Variants in CNPY1 observed in about 807,000 individuals in gnomAD.
CNPY1 encodes protein canopy homolog 1.
A neutral mutation model predicts 14.4 loss-of-function variants in CNPY1; 14 were observed. The ratio of observed to expected loss-of-function variants is 0.97; its 90% CI spans 0.64 to 1.52. The LOEUF is 1.52. CNPY1 is among the 40% of genes most tolerant of loss of function. The probability of loss-of-function intolerance (pLI) is 0.00; values close to 1 mark genes in which losing one functional copy is unlikely to be tolerated. For synonymous variants in CNPY1, 43 were observed against 46.5 expected (o/e 0.92, Z 0.31); for missense variants, 129 against 131.5 (o/e 0.98, Z 0.09).
At chr7:155,527,004 C>A (rs1796829943) in intron 2 of CNPY1, among the ~76,000 whole-genome samples, 1 of 133,346 alleles carries the variant, frequency 7.5e-6, no homozygotes, top group Non-Finnish European at 1.7e-5. Context: ...TGTCCATATC[C>A]TAGGCAGCCA....
chr7:155,546,213 G>T (rs1399227575), intron 1 of CNPY1, among the ~76,000 whole-genome samples: 9 of 150,866 alleles, frequency 6.0e-5, no homozygotes. Context: ...TTGAGACAGG[G>T]TCTCACTCTG....
At chr7:155,518,158 TCCAC>T (rs1563090195) in intron 2 of CNPY1, among the ~76,000 whole-genome samples, 2 of 152,152 alleles carry the variant, frequency 1.3e-5, no homozygotes, top group African/African-American at 4.8e-5. Context: ...GGTGGCCAGA[TCCAC>T]AGTGCTCAAA....
rs867730266 is a variant in CNPY1 at position 155,529,924 on chromosome 7, G to A, written c.99+15907C>T. On this transcript the variant is annotated intron_variant, in intron 2 of 4. Transcript: ENST00000636446. The stretch of plus-strand genomic sequence containing the variant: ...CAGCCTCCCGAGTAACTGGGATTAC[G>A]GGCGCCTGCCACCACGCCCAGCTAA... 1.3e-4 allele frequency among the ~76,000 whole-genome samples: 19 copies of A among 151,968 alleles called. No homozygotes were observed. In the South Asian group the frequency reaches 1.9e-3, roughly 15 times the overall value.
intron 2 of CNPY1, among the ~76,000 whole-genome samples, chr7:155,526,989 G>GA: frequency 6.7e-6 from 1 of 149,238 alleles, no homozygotes. Flanking sequence ...TTCTTAACTG[G>GA]AAAATGTCCA....
chr7:155,508,386 G>GA (rs1317750716), intron 3 of CNPY1, among the ~76,000 whole-genome samples: 1 of 152,094 alleles, frequency 6.6e-6, no homozygotes, highest in Non-Finnish European at 1.5e-5. Flanking sequence ...TCAAGCCTTA[G>GA]AAAAAAAGAG....
At chr7:155,515,506 G>T (rs1289629340) in intron 2 of CNPY1, among the ~76,000 whole-genome samples, 1 of 152,126 alleles carries the variant, frequency 6.6e-6, no homozygotes, top group African/African-American at 2.4e-5. Context: ...TAGGGACCCG[G>T]GGACCGCAGG....
In CNPY1 at chr7:155,503,075, T is replaced by G; in HGVS notation, c.431A>C (p.Glu144Ala). Residue 144 changes from glutamate (E) to alanine (A), a missense_variant, in exon 5 of 5, where the codon GAG becomes GCG. Physicochemically the swap from Glu to Ala is moderately radical, Grantham distance 107. Transcript: ENST00000636446. ...ACCAGCAGAACGGCACTCCTAGAGCTCAGTATGATTAGCAGAAGTTTCACA... is the reference window on the plus strand; with the variant it reads ...ACCAGCAGAACGGCACTCCTAGAGCGCAGTATGATTAGCAGAAGTTTCACA... ...DLCETSANHT[E>A]L The G allele has an allele frequency of 6.2e-7, 1 of 1,607,878 alleles. No homozygotes were observed. The highest frequency in any genetic ancestry group is 8.5e-7 in the Non-Finnish European group (1 of 1,179,112).
intron 2 of CNPY1, among the ~76,000 whole-genome samples, chr7:155,542,991 G>A (rs1019345746): frequency 1.3e-4 from 20 of 152,014 alleles, no homozygotes; most frequent in African/African-American, 3.6e-4. Flanking sequence ...CCACTCACTC[G>A]CTTTGCTTCT....
rs185891280 is a variant in CNPY1, at chr7:155,535,411, T to C, written c.99+10420A>G. On this transcript the variant is annotated intron_variant, in intron 2 of 4. Transcript: ENST00000636446. ...CTGCAGATGAATCATGATCCAGAGA[T>C]GGGAGAAGCCAAGAGCTTACAGGTG... Among the ~76,000 whole-genome samples the C allele has an allele frequency of 1.2e-4, 19 of 152,156 alleles. No homozygotes were observed. The East Asian group carries it at 2.9e-3, about 23-fold the overall frequency.
At chr7:155,541,095 G>C (rs112327699) in intron 2 of CNPY1, among the ~76,000 whole-genome samples, 1 of 152,210 alleles carries the variant, frequency 6.6e-6, no homozygotes, top group Admixed American at 6.5e-5. Context: ...TCCCACCTAC[G>C]GTGGCAGCAG....
rs116325286 is a variant in CNPY1 at position 155,529,234 on chromosome 7, C to T, written c.99+16597G>A. Among the ~76,000 whole-genome samples the T allele has an allele frequency of 8.1e-3, 1,231 of 152,228 alleles. 19 individuals are homozygous for T. Among genetic ancestry groups the T allele is most frequent in the African/African-American group, 0.028 (1,155 of 41,526 alleles). ...CTTTCATGAGAAACCAGAAGTCCGA[C>T]GTTCTACGTGAAATCTTGATCCACA... On this transcript the variant is annotated intron_variant, in intron 2 of 4. Transcript: ENST00000636446.
At chr7:155,539,978 G>A (rs181797535) in intron 2 of CNPY1, among the ~76,000 whole-genome samples, 63 of 152,290 alleles carry the variant, frequency 4.1e-4, no homozygotes, top group African/African-American at 1.5e-3. Flanking sequence ...TTCTTCTTAT[G>A]TGACAAAGCC....
chr7:155,510,578 C>G (rs1030085572), intron 2 of CNPY1: 1 of 152,156 alleles, frequency 6.6e-6, no homozygotes, highest in African/African-American at 2.4e-5. Flanking sequence ...AGCTTATGGA[C>G]TATTTAATAG....
chr7:155,518,555 T>C (rs1294778903), intron 2 of CNPY1: 1 of 152,140 alleles, frequency 6.6e-6, no homozygotes, highest in Non-Finnish European at 1.5e-5. Flanking sequence ...TCGAAAGCAA[T>C]GAGAGCTCTA....
intron 1 of CNPY1, 38 bp from the exon 2 acceptor site, chr7:155,545,981 G>T (rs1797152128): frequency 5.0e-6 from 2 of 398,630 alleles, no homozygotes; most frequent in Non-Finnish European, 4.4e-6. Context: ...CAGAGGAGGA[G>T]GCGAGCCAGA....
chr7:155,527,054 C>CTTTCTTTCTTTTTTTTT (rs56296833), intron 2 of CNPY1, among the ~76,000 whole-genome samples: 3 of 90,342 alleles, frequency 3.3e-5, no homozygotes, highest in African/African-American at 1.0e-4. Context: ...TTCTTTCTTT[C>CTTTCTTTCTTTTTTTTT]TTTTTTTTTT....
At chr7:155,527,635 G>A (rs917544948) in intron 2 of CNPY1, among the ~76,000 whole-genome samples, 7 of 146,488 alleles carry the variant, frequency 4.8e-5, no homozygotes, top group African/African-American at 1.5e-4. Context: ...TATTTTTTGT[G>A]GAGACAGGAT....
chr7:155,519,542 TAAATAAATAAATAAATAAATAAGA>T (rs1471182270), intron 2 of CNPY1, among the ~76,000 whole-genome samples: 1 of 143,362 alleles, frequency 7.0e-6, no homozygotes, highest in African/African-American at 2.8e-5. Flanking sequence ...AATAAATAAA[TAAATAAATAAATAAATAAATAAGA>T]AAGAAAGAAG....
intron 2 of CNPY1, among the ~76,000 whole-genome samples, chr7:155,523,046 C>T (rs984057779): frequency 2.0e-5 from 3 of 152,126 alleles, no homozygotes; most frequent in East Asian, 1.9e-4. Context: ...ATTCTTTACC[C>T]GATTTGTGGA....
Sources: allele counts gnomAD v4.1 joint callset (sites outside exome capture counted in the v4.1 genomes callset), GRCh38; gene constraint gnomAD v4.1.1; transcripts MANE v1.5; gene names NCBI Gene and HGNC (gene_info 2026-07-23, HGNC 2026-07-21).